Variants in GABRB1 observed in about 807,000 individuals in gnomAD.
GABRB1 encodes gamma-aminobutyric acid receptor subunit beta-1.
In GABRB1, 17 loss-of-function variants were observed where a neutral mutation model predicts 51.6. The ratio of observed to expected loss-of-function variants is 0.33; its 90% confidence interval spans 0.23 to 0.49. GABRB1 has a LOEUF of 0.49. Among genes scored for constraint, GABRB1 ranks in the 20% least tolerant of loss-of-function variants. GABRB1 has a pLI of 0.99. For synonymous variants in GABRB1, 247 were observed against 218.9 expected (o/e 1.13, Z -1.14); for missense variants, 410 against 600.6 (o/e 0.68, Z 3.32).
At chr4:47,032,703 C>A in intron 3 of GABRB1, 1 of 710,676 alleles carries the variant, frequency 1.4e-6, no homozygotes, top group East Asian at 2.7e-5. Context: ...ACGTGCTCGG[C>A]ACTATTTTGG....
rs1441901478 is a variant in GABRB1, at chr4:47,411,754, C to T, written c.1080+4828C>T. On this transcript the variant is annotated intron_variant, in intron 8 of 8. Transcript: ENST00000295454. ...ACATGGGGCCCCTCTGTGCTATCTT[C>T]ACAACTTTCTGGGAATCTGTAATAG... Among the ~76,000 whole-genome samples, 4 of 152,110 alleles carry T rather than the reference C, an allele frequency of 2.6e-5. No homozygotes were observed. In the East Asian group the frequency reaches 7.7e-4, roughly 29 times the overall value.
chr4:47,320,226 G>A lies in GABRB1; in HGVS notation c.544+17G>A. ...TCGAAAGTTGTGAGTTACTTGGACA[G>A]GGGAATGAAAAAGAGGGATTCTTCC... On this transcript the variant is annotated intron_variant, in intron 5 of 8. Transcript: ENST00000295454. 6.7e-7 allele frequency: 1 copy of A among 1,487,328 alleles called. No homozygotes were observed. The highest frequency in any genetic ancestry group is 9.4e-7 in the Non-Finnish European group (1 of 1,064,288). 92.1% of individuals were successfully genotyped at this position (1,487,328 alleles called of 1,614,324 possible). A position where few individuals can be genotyped will look rare whatever the true frequency, so the allele number is the denominator to read the frequency against.
At chr4:47,275,827 A>G (rs553511781) in intron 4 of GABRB1, among the ~76,000 whole-genome samples, 1 of 152,262 alleles carries the variant, frequency 6.6e-6, no homozygotes, top group Admixed American at 6.5e-5. Context: ...ACACTTCTCA[A>G]GGGATTGATT....
At chr4:47,032,128 G>GCGCA (rs1553910578) in intron 2 of GABRB1, 123 bp downstream of exon 2, 47 of 583,560 alleles carry the variant, frequency 8.1e-5, no homozygotes, top group East Asian at 3.2e-4. Flanking sequence ...TATACCCTGG[G>GCGCA]CACACACACA....
intron 5 of GABRB1, among the ~76,000 whole-genome samples, chr4:47,380,480 T>A (rs939698736): frequency 6.6e-6 from 1 of 152,208 alleles, no homozygotes; most frequent in African/African-American, 2.4e-5. Context: ...AGCCCCATCT[T>A]CATGCTCAGA....
chr4:47,101,217 G>A (rs1017018653), intron 3 of GABRB1, among the ~76,000 whole-genome samples: 1 of 151,942 alleles, frequency 6.6e-6, no homozygotes, highest in Non-Finnish European at 1.5e-5. Flanking sequence ...TTAATGCCCT[G>A]TAAATATTTT....
intron 3 of GABRB1, among the ~76,000 whole-genome samples, chr4:47,044,370 T>G (rs941306179): frequency 5.3e-5 from 8 of 152,066 alleles, no homozygotes; most frequent in Admixed American, 5.2e-4. Context: ...TGAAGTACCT[T>G]TCCCTTGAAC....
chr4:47,097,047 C>T (rs1472831703), intron 3 of GABRB1, among the ~76,000 whole-genome samples: 2 of 152,158 alleles, frequency 1.3e-5, no homozygotes, highest in Non-Finnish European at 2.9e-5. Context: ...CCCTTGATTG[C>T]CTACGTTCCA....
intron 5 of GABRB1, among the ~76,000 whole-genome samples, chr4:47,390,045 T>G (rs1338384905): frequency 7.2e-5 from 11 of 152,264 alleles, no homozygotes; most frequent in Admixed American, 7.2e-4. Context: ...TCAACATTCA[T>G]GTTTGCAAAC....
chr4:47,260,218 G>A (rs1450668142), intron 4 of GABRB1, among the ~76,000 whole-genome samples: 1 of 151,824 alleles, frequency 6.6e-6, no homozygotes, highest in African/African-American at 2.4e-5. Flanking sequence ...GCCTATGTGT[G>A]TCTCTGCATG....
intron 3 of GABRB1, among the ~76,000 whole-genome samples, chr4:47,081,952 G>A (rs1727865698): frequency 6.6e-6 from 1 of 151,924 alleles, no homozygotes. Context: ...GAGATGGAAT[G>A]TTTTCTTGCT....
intron 3 of GABRB1, among the ~76,000 whole-genome samples, chr4:47,042,113 C>G (rs1335093648): frequency 6.6e-6 from 1 of 151,902 alleles, no homozygotes; most frequent in Non-Finnish European, 1.5e-5. Context: ...TTCATATTCT[C>G]TATTATCACT....
intron 5 of GABRB1, among the ~76,000 whole-genome samples, chr4:47,339,959 G>T (rs1725826201): frequency 6.6e-6 from 1 of 152,026 alleles, no homozygotes; most frequent in Admixed American, 6.6e-5. Context: ...AAGAATTCTA[G>T]TTTCCTCCAA....
chr4:47,206,231 T>C (rs1389071304), intron 4 of GABRB1, among the ~76,000 whole-genome samples: 2 of 152,056 alleles, frequency 1.3e-5, no homozygotes, highest in African/African-American at 2.4e-5. Flanking sequence ...GAGGTTAAAA[T>C]GCTTGTTGCT....
intron 3 of GABRB1, among the ~76,000 whole-genome samples, chr4:47,123,770 A>G (rs1258925909): frequency 3.5e-5 from 3 of 86,664 alleles, no homozygotes; most frequent in Non-Finnish European, 6.1e-5. Context: ...AATATATTAT[A>G]TATCATATAT....
At chr4:47,146,956 T>G (rs1717198559) in intron 3 of GABRB1, among the ~76,000 whole-genome samples, 1 of 152,110 alleles carries the variant, frequency 6.6e-6, no homozygotes, top group African/African-American at 2.4e-5. Flanking sequence ...ATTTGATTGG[T>G]TGAATGATAA....
chr4:47,090,217 A>C (rs1343772697), intron 3 of GABRB1, among the ~76,000 whole-genome samples: 1 of 152,252 alleles, frequency 6.6e-6, no homozygotes, highest in Non-Finnish European at 1.5e-5. Context: ...AAGGGGTTTG[A>C]ATGACATGCT....
intron 1 of GABRB1, among the ~76,000 whole-genome samples, chr4:47,003,671 A>G (rs191504235): frequency 1.3e-5 from 2 of 152,204 alleles, no homozygotes; most frequent in African/African-American, 4.8e-5. Context: ...TCTTTTAAGT[A>G]TGGGAATGAG....
At chr4:47,360,051 T>A (rs1158399118) in intron 5 of GABRB1, among the ~76,000 whole-genome samples, 2 of 151,742 alleles carry the variant, frequency 1.3e-5, no homozygotes, top group African/African-American at 4.8e-5. Flanking sequence ...GATCACCTAA[T>A]ATGGCCAAAT....
Sources: gnomAD v4.1 joint callset for allele counts (sites outside exome capture counted in the v4.1 genomes callset) on GRCh38, gnomAD v4.1.1 for gene constraint, MANE v1.5 for transcripts, NCBI Gene and HGNC (gene_info 2026-07-23, HGNC 2026-07-21) for gene names.